ADGRB3: variants seen among roughly 807,000 people sequenced by gnomAD.
The protein encoded by ADGRB3 is adhesion G protein-coupled receptor B3.
Under a neutral mutation model 193.4 loss-of-function variants are expected in ADGRB3, and 37 were observed. That is an observed-to-expected ratio of 0.19 (90% CI 0.15 to 0.25). ADGRB3 has a LOEUF of 0.25. Ranked by LOEUF, ADGRB3 falls within the 10% of genes least tolerant of loss-of-function variation. The pLI is 1.00. For synonymous variants in ADGRB3, 690 were observed against 644.2 expected (o/e 1.07, Z -1.08); for missense variants, 1,637 against 1,852.9 (o/e 0.88, Z 2.14).
At chr6:69,289,111 G>A (rs921680680) in intron 20 of ADGRB3, among the ~76,000 whole-genome samples, 51 of 152,278 alleles carry the variant, frequency 3.3e-4, no homozygotes, top group African/African-American at 1.1e-3. Context: ...GTGATCTCCT[G>A]AGAGCGTCCA....
At chr6:68,723,373 T>C (rs73463925) in intron 3 of ADGRB3, among the ~76,000 whole-genome samples, 4,895 of 151,782 alleles carry the variant, frequency 0.032, 140 homozygotes, top group African/African-American at 0.073. Flanking sequence ...TGGGAGACAA[T>C]TGACCTCTTT....
At chr6:68,844,643 A>G (rs1181548569) in intron 3 of ADGRB3, among the ~76,000 whole-genome samples, 5 of 152,152 alleles carry the variant, frequency 3.3e-5, no homozygotes, top group Non-Finnish European at 7.4e-5. Flanking sequence ...AGTAATCAGG[A>G]TATGGAGGAG....
intron 20 of ADGRB3, among the ~76,000 whole-genome samples, chr6:69,247,735 A>T (rs1220278946): frequency 6.6e-6 from 1 of 152,172 alleles, no homozygotes; most frequent in Non-Finnish European, 1.5e-5. Flanking sequence ...AAAAACCATT[A>T]ATACTAGTAC....
Position 69,173,020 on chromosome 6 carries a change from GGTTTTT to G in ADGRB3, c.2481-60240_2481-60235del, listed in dbSNP as rs1236809818. The stretch of plus-strand genomic sequence containing the variant: ...GGCCAGGAGAGTTGTGTGGGGTTTT[GGTTTTT>G]GTTTTTGTTTTTGTTTTTGTTTTTG... On this transcript the variant is annotated intron_variant, in intron 17 of 31. Transcript: ENST00000370598. 5.6e-4 allele frequency among the ~76,000 whole-genome samples: 60 copies of G among 107,192 alleles called. No homozygotes were observed. The Middle Eastern group carries it at 0.014, about 26-fold the overall frequency. The allele number at this position is 107,192 out of a possible 152,430, so 70.3% of individuals were successfully genotyped here.
intron 5 of ADGRB3, 129 bp from the exon 6 acceptor site, chr6:68,943,694 GAATGTTA>G: frequency 1.6e-6 from 1 of 624,478 alleles, no homozygotes; most frequent in Non-Finnish European, 2.4e-6. Flanking sequence ...TAAAAAATAA[GAATGTTA>G]TCTCAACTGA....
chr6:68,841,636 A>G (rs1768160800), intron 3 of ADGRB3, among the ~76,000 whole-genome samples: 1 of 152,154 alleles, frequency 6.6e-6, no homozygotes, highest in Admixed American at 6.6e-5. Context: ...TATAGTTCTG[A>G]GTGCCTACAT....
chr6:69,368,032 T>G, intron 29 of ADGRB3, among the ~76,000 whole-genome samples: 1 of 148,918 alleles, frequency 6.7e-6, no homozygotes, highest in Non-Finnish European at 1.5e-5. Context: ...CATTGGGAGA[T>G]ATACCTAATG....
At chr6:69,225,929 C>T (rs1044086431) in intron 17 of ADGRB3, among the ~76,000 whole-genome samples, 16 of 151,998 alleles carry the variant, frequency 1.1e-4, no homozygotes, top group African/African-American at 3.9e-4. Flanking sequence ...ATATTTTAAC[C>T]GTTAATTATT....
chr6:68,858,402 G>A (rs1024563262), intron 3 of ADGRB3, among the ~76,000 whole-genome samples: 7 of 151,256 alleles, frequency 4.6e-5, no homozygotes, highest in African/African-American at 1.7e-4. Context: ...TACTCGAGAG[G>A]CTAAGGCAGG....
intron 13 of ADGRB3, among the ~76,000 whole-genome samples, chr6:69,041,573 C>G (rs1227525141): frequency 2.0e-5 from 3 of 151,998 alleles, no homozygotes; most frequent in African/African-American, 7.3e-5. Context: ...GTAAAATGAG[C>G]ATCTTGATAA....
intron 17 of ADGRB3, among the ~76,000 whole-genome samples, chr6:69,176,846 A>G (rs1021695346): frequency 4.6e-5 from 7 of 152,200 alleles, no homozygotes; most frequent in African/African-American, 1.7e-4. Context: ...TTTCTTCCCA[A>G]TTCAATCTAG....
intron 8 of ADGRB3, among the ~76,000 whole-genome samples, chr6:68,966,773 C>A (rs1342902919): frequency 6.6e-6 from 1 of 152,140 alleles, no homozygotes; most frequent in Non-Finnish European, 1.5e-5. Context: ...TTAGCCTTTT[C>A]TATGTGTAGT....
At chr6:69,080,252 A>G (rs1278405936) in intron 17 of ADGRB3, among the ~76,000 whole-genome samples, 2 of 152,062 alleles carry the variant, frequency 1.3e-5, no homozygotes, top group Non-Finnish European at 2.9e-5. Context: ...AATGATTGAT[A>G]TATCTATACA....
intron 17 of ADGRB3, among the ~76,000 whole-genome samples, chr6:69,229,556 A>G (rs1004818585): frequency 6.6e-6 from 1 of 152,202 alleles, no homozygotes; most frequent in Non-Finnish European, 1.5e-5. Context: ...AATAATTTAC[A>G]TGCTGATTTA....
intron 16 of ADGRB3, 62 bp from the exon 17 acceptor site, chr6:69,075,933 T>A: frequency 8.2e-7 from 1 of 1,218,838 alleles, no homozygotes; most frequent in Non-Finnish European, 1.2e-6. Context: ...TTTCACATAA[T>A]CCCTCAATCT....
intron 3 of ADGRB3, among the ~76,000 whole-genome samples, chr6:68,826,832 A>T (rs1181826718): frequency 1.3e-5 from 2 of 152,212 alleles, no homozygotes; most frequent in Non-Finnish European, 2.9e-5. Flanking sequence ...GAATGACTAC[A>T]TTGTTTTGGC....
At chr6:69,382,343 T>A (rs1769967320) in intron 30 of ADGRB3, among the ~76,000 whole-genome samples, 1 of 151,938 alleles carries the variant, frequency 6.6e-6, no homozygotes, top group Non-Finnish European at 1.5e-5. Flanking sequence ...AATGCTTTGA[T>A]TCAGCCTTAA....
At chr6:69,377,022 C>T (rs1344677208) in intron 30 of ADGRB3, among the ~76,000 whole-genome samples, 1 of 151,988 alleles carries the variant, frequency 6.6e-6, no homozygotes. Context: ...AACATAGACA[C>T]TAAAAATGGG....
At chr6:69,143,032 T>A (rs769184527) in intron 17 of ADGRB3, among the ~76,000 whole-genome samples, 19 of 152,202 alleles carry the variant, frequency 1.2e-4, no homozygotes, top group Non-Finnish European at 2.4e-4. Flanking sequence ...CTCCACATCC[T>A]AGCCAGCATT....
Sources: gnomAD v4.1 joint callset for allele counts (sites outside exome capture counted in the v4.1 genomes callset) on GRCh38, gnomAD v4.1.1 for gene constraint, MANE v1.5 for transcripts, NCBI Gene and HGNC (gene_info 2026-07-23, HGNC 2026-07-21) for gene names.